GPC5: variants seen among roughly 807,000 people sequenced by gnomAD.
GPC5 encodes the protein glypican-5.
A neutral mutation model predicts 53.9 loss-of-function variants in GPC5; 47 were observed. That is an observed-to-expected ratio of 0.87 (90% confidence interval 0.69 to 1.11). GPC5 has a LOEUF of 1.11. Ranked by LOEUF, GPC5 falls within the 50% of genes most tolerant of loss-of-function variation. The probability of loss-of-function intolerance (pLI) is 0.00; values close to 1 mark genes in which losing one functional copy is unlikely to be tolerated. For synonymous variants in GPC5, 286 were observed against 263.3 expected (o/e 1.09, Z -0.84); for missense variants, 748 against 713.1 (o/e 1.05, Z -0.56).
rs528333989 is a variant in GPC5, at chr13:92,211,600, G to A, written c.1561+66611G>A. Among the ~76,000 whole-genome samples, 52 of 152,316 alleles carry A rather than the reference G, an allele frequency of 3.4e-4. No individual in the cohort carries two copies. In the South Asian group the frequency reaches 8.9e-3, roughly 26 times the overall value. On this transcript the variant is annotated intron_variant, in intron 7 of 7. Transcript: ENST00000377067. Reference sequence around the variant, plus strand: ...AAGTGTGTCCAGCAGCAGCAACATCGTCTGGGGACAGAAATGTGAATTCTT... The same window carrying A: ...AAGTGTGTCCAGCAGCAGCAACATCATCTGGGGACAGAAATGTGAATTCTT...
chr13:92,320,568 T>A (rs966962930), intron 7 of GPC5, among the ~76,000 whole-genome samples: 1 of 152,150 alleles, frequency 6.6e-6, no homozygotes, highest in South Asian at 2.1e-4. Flanking sequence ...TCCCCATAAG[T>A]GTTTTATTAA....
intron 1 of GPC5, among the ~76,000 whole-genome samples, chr13:91,445,388 G>A (rs780640404): frequency 3.3e-5 from 5 of 152,156 alleles, no homozygotes; most frequent in African/African-American, 9.7e-5. Context: ...AGGGGTGATC[G>A]ACACCCCAGG....
At chr13:92,265,815 C>T (rs376778057) in intron 7 of GPC5, among the ~76,000 whole-genome samples, 1 of 152,138 alleles carries the variant, frequency 6.6e-6, no homozygotes, top group African/African-American at 2.4e-5. Flanking sequence ...ATACCTCAGA[C>T]CCTGGATAAT....
chr13:92,423,610 A>G (rs1230556978), intron 7 of GPC5, among the ~76,000 whole-genome samples: 2 of 152,176 alleles, frequency 1.3e-5, no homozygotes, highest in African/African-American at 4.8e-5. Flanking sequence ...ATTCAACCTG[A>G]TGCTGCTATT....
chr13:92,652,144 T>C (rs565733905), intron 7 of GPC5, among the ~76,000 whole-genome samples: 1 of 152,168 alleles, frequency 6.6e-6, no homozygotes, highest in Non-Finnish European at 1.5e-5. Context: ...ATTTCTCTTA[T>C]TTGAATATTT....
chr13:92,278,295 C>T (rs371201814), intron 7 of GPC5, among the ~76,000 whole-genome samples: 1 of 151,828 alleles, frequency 6.6e-6, no homozygotes, highest in South Asian at 2.1e-4. Flanking sequence ...ACTTAAAGAC[C>T]GTAACCACTT....
intron 3 of GPC5, among the ~76,000 whole-genome samples, 159 bp downstream of exon 3, chr13:91,694,040 C>T (rs1464218846): frequency 2.6e-5 from 4 of 151,750 alleles, no homozygotes; most frequent in African/African-American, 9.7e-5. Context: ...GCTGAAATAC[C>T]ACATTCTCTC....
chr13:91,991,530 G>T (rs2040456216), intron 6 of GPC5, among the ~76,000 whole-genome samples: 1 of 151,956 alleles, frequency 6.6e-6, no homozygotes, highest in Admixed American at 6.6e-5. Flanking sequence ...CAAAGCCAGA[G>T]ATAAAAGTCA....
intron 7 of GPC5, among the ~76,000 whole-genome samples, chr13:92,575,489 G>T (rs1258441116): frequency 6.6e-6 from 1 of 152,108 alleles, no homozygotes; most frequent in Admixed American, 6.6e-5. Context: ...GAGGGAACCT[G>T]GCCCTGCCAA....
At chr13:91,636,038 AATTT>A (rs1350562335) in intron 2 of GPC5, among the ~76,000 whole-genome samples, 1 of 151,898 alleles carries the variant, frequency 6.6e-6, no homozygotes, top group African/African-American at 2.4e-5. Context: ...GGATCTATAC[AATTT>A]ATTTATATTT....
At chr13:91,407,289 A>G (rs1877394795) in intron 1 of GPC5, among the ~76,000 whole-genome samples, 1 of 152,204 alleles carries the variant, frequency 6.6e-6, no homozygotes, top group Non-Finnish European at 1.5e-5. Flanking sequence ...AAACCTTTTA[A>G]ATTTAAAGGA....
At chr13:92,198,104 A>G (rs1422993003) in intron 7 of GPC5, among the ~76,000 whole-genome samples, 1 of 152,174 alleles carries the variant, frequency 6.6e-6, no homozygotes, top group Non-Finnish European at 1.5e-5. Flanking sequence ...ATCATTTCTG[A>G]CTTTATCTGA....
chr13:91,828,791 A>G (rs2038613297), intron 5 of GPC5, among the ~76,000 whole-genome samples: 1 of 152,014 alleles, frequency 6.6e-6, no homozygotes, highest in South Asian at 2.1e-4. Context: ...ACCTAAACTG[A>G]TATAAGGAAA....
chr13:92,284,675 C>G (rs540133751), intron 7 of GPC5, among the ~76,000 whole-genome samples: 1 of 152,226 alleles, frequency 6.6e-6, no homozygotes, highest in African/African-American at 2.4e-5. Context: ...GAAAACGCCT[C>G]TGACAAAATT....
chr13:91,619,467 T>TC (rs2033793607), intron 2 of GPC5, among the ~76,000 whole-genome samples: 1 of 152,074 alleles, frequency 6.6e-6, no homozygotes, highest in African/African-American at 2.4e-5. Context: ...TATATTAGAA[T>TC]TTGCTTTGGT....
intron 7 of GPC5, among the ~76,000 whole-genome samples, chr13:92,667,320 T>C (rs1886609390): frequency 6.6e-6 from 1 of 152,014 alleles, no homozygotes. Context: ...GGAGGACTGA[T>C]AATGCAGAGA....
rs75487924 is a variant in GPC5 at position 92,809,435 on chromosome 13, G to A, written c.1562-56847G>A. Reference sequence around the variant, plus strand: ...CAGTGAGGTGCAGAGGGTGGATTTCGTTACAGCTGTGGTACACTTGTCAAA... The same window carrying A: ...CAGTGAGGTGCAGAGGGTGGATTTCATTACAGCTGTGGTACACTTGTCAAA... On this transcript the variant is annotated intron_variant, in intron 7 of 7. Coordinates refer to ENST00000377067, the MANE Select transcript of GPC5 (RefSeq NM_004466.6). 7.8e-4 allele frequency among the ~76,000 whole-genome samples: 119 copies of A among 152,166 alleles called. 1 individual carries two copies. The East Asian group carries it at 0.021, about 27-fold the overall frequency.
chr13:92,363,512 A>T lies in GPC5; in HGVS notation c.1561+218523A>T, dbSNP rs575501286. On this transcript the variant is annotated intron_variant, in intron 7 of 7. Coordinates refer to ENST00000377067, the MANE Select transcript of GPC5 (RefSeq NM_004466.6). ...CCCTCGCATGTACAGTTCACAATAG[A>T]GTTCTCTCTCCTATGAGAATCAAAT... 1.0e-3 allele frequency among the ~76,000 whole-genome samples: 156 copies of T among 151,828 alleles called. 5 individuals are homozygous for T. The highest frequency in any genetic ancestry group is 3.7e-3 in the African/African-American group (152 of 41,124).
At chr13:92,527,172 G>GAAAGAAA (rs1472056609) in intron 7 of GPC5, among the ~76,000 whole-genome samples, 2 of 60,954 alleles carry the variant, frequency 3.3e-5, no homozygotes, top group African/African-American at 1.2e-4. Context: ...AAGAAAGAAA[G>GAAAGAAA]AGAAAGAAAG....
Sources: gnomAD v4.1 joint callset for allele counts (sites outside exome capture counted in the v4.1 genomes callset) on GRCh38, gnomAD v4.1.1 for gene constraint, MANE v1.5 for transcripts, NCBI Gene and HGNC (gene_info 2026-07-23, HGNC 2026-07-21) for gene names.